CHRM2: variants seen among roughly 807,000 people sequenced by gnomAD.
CHRM2 encodes the protein muscarinic acetylcholine receptor M2.
In CHRM2, 8 loss-of-function variants were observed where a neutral mutation model predicts 25.0. That is an observed-to-expected ratio of 0.32 (90% CI 0.19 to 0.58). CHRM2 has a LOEUF of 0.58. Among genes scored for constraint, CHRM2 ranks in the 20% least tolerant of loss-of-function variants. CHRM2 has a pLI of 0.88. For synonymous variants in CHRM2, 202 were observed against 205.7 expected, an observed-to-expected ratio of 0.98 and a Z score of 0.15; for missense variants, 440 against 567.1, an observed-to-expected ratio of 0.78 and a Z score of 2.28.
intron 2 of CHRM2, among the ~76,000 whole-genome samples, chr7:136,897,697 G>GGAA (rs1554411548): frequency 6.8e-6 from 1 of 147,988 alleles, no homozygotes; most frequent in Non-Finnish European, 1.5e-5. Context: ...ACAGTCATGG[G>GGAA]AAAAAAAAAA....
intron 2 of CHRM2, among the ~76,000 whole-genome samples, chr7:136,882,297 T>G (rs1796296021): frequency 6.6e-6 from 1 of 152,026 alleles, no homozygotes; most frequent in Non-Finnish European, 1.5e-5. Context: ...ACAAAATTCT[T>G]TTGATATTCT....
At chr7:137,008,570 C>T (rs747035853) in intron 3 of CHRM2, among the ~76,000 whole-genome samples, 137 of 152,060 alleles carry the variant, frequency 9.0e-4, no homozygotes, top group Non-Finnish European at 1.7e-3. Context: ...CTTTTGAGAT[C>T]TTAATGGTTG....
In CHRM2 at chr7:136,990,991, A is replaced by T. The variant is rs555135250; in HGVS notation, c.-124-1196A>T. Reference sequence around the variant, plus strand: ...GGCATATGATATAAAGTATCTTTCCATATGCTAATTTACCATCTGTATATG... The same window carrying T: ...GGCATATGATATAAAGTATCTTTCCTTATGCTAATTTACCATCTGTATATG... On this transcript the variant is annotated intron_variant, in intron 2 of 3. Transcript: ENST00000680005. Among the ~76,000 whole-genome samples, 68 of 152,246 alleles carry T rather than the reference A, an allele frequency of 4.5e-4. 3 individuals are homozygous for T. Among genetic ancestry groups the T allele is most frequent in the Middle Eastern group, 6.8e-3 (2 of 294 alleles).
chr7:136,960,754 A>C (rs1801021194), intron 2 of CHRM2, among the ~76,000 whole-genome samples: 2 of 152,228 alleles, frequency 1.3e-5, no homozygotes, highest in South Asian at 4.1e-4. Flanking sequence ...CCAATCTCAT[A>C]AGTACAGACA....
chr7:136,912,385 C>T (rs1245826747), intron 2 of CHRM2, among the ~76,000 whole-genome samples: 1 of 151,928 alleles, frequency 6.6e-6, no homozygotes, highest in South Asian at 2.1e-4. Context: ...TGTCCTCTTG[C>T]TGATCCATGT....
At chr7:137,001,058 G>T (rs780260680) in intron 3 of CHRM2, among the ~76,000 whole-genome samples, 14 of 152,090 alleles carry the variant, frequency 9.2e-5, no homozygotes, top group Non-Finnish European at 1.9e-4. Flanking sequence ...TATTCAAGAG[G>T]CTTCCAATCT....
Position 136,917,160 on chromosome 7 carries a change from C to CTT in CHRM2, c.-125+47754_-125+47755dup, listed in dbSNP as rs11335309. On this transcript the variant is annotated intron_variant, in intron 2 of 3. Transcript: ENST00000680005. ...ACATTCACTATTTTCAGCTTTCTCA[C>CTT]TTTTTTTTTTTTTGCTTTCTTTTAT... is the stretch of plus-strand genomic sequence containing the variant. Among the ~76,000 whole-genome samples, 241 of 145,210 alleles carry CTT rather than the reference C, an allele frequency of 1.7e-3. 1 individual carries two copies. Among genetic ancestry groups the CTT allele is most frequent in the African/African-American group, 5.5e-3 (218 of 39,732 alleles).
chr7:136,989,668 C>T (rs1171531041), intron 2 of CHRM2, among the ~76,000 whole-genome samples: 1 of 152,098 alleles, frequency 6.6e-6, no homozygotes, highest in Non-Finnish European at 1.5e-5. Context: ...TCTTCTCCAT[C>T]CCTTTCATTT....
At chr7:136,959,443 C>A (rs1481594723) in intron 2 of CHRM2, among the ~76,000 whole-genome samples, 1 of 152,136 alleles carries the variant, frequency 6.6e-6, no homozygotes, top group East Asian at 1.9e-4. Context: ...TAGGCCCATG[C>A]TAGGCTCCAT....
At chr7:136,882,744 G>C (rs548643675) in intron 2 of CHRM2, among the ~76,000 whole-genome samples, 1 of 152,064 alleles carries the variant, frequency 6.6e-6, no homozygotes, top group South Asian at 2.1e-4. Flanking sequence ...ATTTCCTCTA[G>C]GCCATGCTTA....
intron 2 of CHRM2, among the ~76,000 whole-genome samples, chr7:136,887,877 G>A (rs544046235): frequency 6.6e-6 from 1 of 152,144 alleles, no homozygotes; most frequent in South Asian, 2.1e-4. Context: ...AGAAACAGAT[G>A]TGAAGAGAAA....
intron 2 of CHRM2, chr7:136,908,087 A>G (rs1797652579): frequency 6.6e-6 from 1 of 151,958 alleles, no homozygotes; most frequent in African/African-American, 2.4e-5. Flanking sequence ...CATAGAGAAT[A>G]ATAAAAATCA....
chr7:136,925,025 G>T (rs1018523414), intron 2 of CHRM2, among the ~76,000 whole-genome samples: 5 of 152,144 alleles, frequency 3.3e-5, no homozygotes, highest in Admixed American at 6.5e-5. Flanking sequence ...AAGGTATTGT[G>T]TGGTGCTATA....
chr7:136,988,202 G>A (rs766167956), intron 2 of CHRM2, among the ~76,000 whole-genome samples: 3 of 151,678 alleles, frequency 2.0e-5, no homozygotes, highest in Non-Finnish European at 2.9e-5. Context: ...ATTAGTCCCA[G>A]TGGTTCTTCA....
At chr7:136,985,024 T>A (rs7807871) in intron 2 of CHRM2, among the ~76,000 whole-genome samples, 97,184 of 151,884 alleles carry the variant, frequency 0.64, 32,340 homozygotes, top group Non-Finnish European at 0.73. Context: ...AGAAAGTTTG[T>A]TTAACAATTT....
chr7:136,910,830 T>TGTGTGTGA lies in CHRM2; in HGVS notation c.-125+41413_-125+41414insTGTGTGAG, dbSNP rs377403672. Among the ~76,000 whole-genome samples the TGTGTGTGA allele has an allele frequency of 2.4e-3, 363 of 149,700 alleles. 3 individuals are homozygous for TGTGTGTGA. Among genetic ancestry groups the TGTGTGTGA allele is most frequent in the Middle Eastern group, 3.4e-3 (1 of 290 alleles). ...GTGTGTGTGTGTGTGTGTGTGTGTGTGAGAGAGAGAGAGAAACTTGGTGCC... is the reference window on the plus strand; with the variant it reads ...GTGTGTGTGTGTGTGTGTGTGTGTGTGTGTGTGAGAGAGAGAGAGAGAAACTTGGTGCC... On this transcript the variant is annotated intron_variant, in intron 2 of 3. Coordinates refer to ENST00000680005, the MANE Select transcript of CHRM2 (RefSeq NM_001006630.2).
At chr7:136,982,378 G>T (rs1009197258) in intron 2 of CHRM2, among the ~76,000 whole-genome samples, 2 of 152,040 alleles carry the variant, frequency 1.3e-5, no homozygotes, top group African/African-American at 4.8e-5. Flanking sequence ...GCACATCAAC[G>T]GATGTTGACT....
chr7:136,986,567 T>C (rs778825159), intron 2 of CHRM2, among the ~76,000 whole-genome samples: 1 of 152,216 alleles, frequency 6.6e-6, no homozygotes, highest in Non-Finnish European at 1.5e-5. Context: ...CATGTTGGGT[T>C]CATCAATTAA....
At chr7:136,938,993 A>G (rs1177858437) in intron 2 of CHRM2, among the ~76,000 whole-genome samples, 1 of 148,050 alleles carries the variant, frequency 6.8e-6, no homozygotes, top group Non-Finnish European at 1.5e-5. Flanking sequence ...AAACATTAAT[A>G]TAATTCCAAT....
Sources: gnomAD v4.1 joint callset for allele counts (sites outside exome capture counted in the v4.1 genomes callset) on GRCh38, gnomAD v4.1.1 for gene constraint, MANE v1.5 for transcripts, NCBI Gene and HGNC (gene_info 2026-07-23, HGNC 2026-07-21) for gene names.